GRIA3: variants seen among roughly 807,000 people sequenced by gnomAD.
GRIA3 encodes the protein glutamate receptor 3.
GRIA3 carries 3 observed loss-of-function variants against 63.0 expected under a neutral mutation model. The ratio of observed to expected loss-of-function variants is 0.05; its 90% CI spans 0.02 to 0.12. GRIA3 has a LOEUF of 0.12. Among genes scored for constraint, GRIA3 ranks in the 10% least tolerant of loss-of-function variants. The pLI, the probability that GRIA3 is intolerant of heterozygous loss-of-function variation, is 1.00. For missense variants in GRIA3, 347 were observed against 700.9 expected (o/e 0.50, Z 5.70); for synonymous variants, 274 against 257.9 (o/e 1.06, Z -0.60).
At chrX:123,478,664 TGACTATA>T (rs1273187140) in intron 13 of GRIA3, among the ~76,000 whole-genome samples, 1 of 112,536 alleles carries the variant, frequency 8.9e-6, no homozygotes, top group Middle Eastern at 4.2e-3. Context: ...CAGATCTCTG[TGACTATA>T]GCAAGTCTTA....
chrX:123,344,374 G>A (rs2045029981), intron 4 of GRIA3, among the ~76,000 whole-genome samples: 1 of 111,920 alleles, frequency 8.9e-6, no homozygotes, highest in African/African-American at 3.3e-5. Flanking sequence ...GCCTGGGAGT[G>A]AGACAAGTCA....
At chrX:123,206,539 A>T (rs1363073124) in intron 2 of GRIA3, among the ~76,000 whole-genome samples, 1 of 112,192 alleles carries the variant, frequency 8.9e-6, no homozygotes, top group African/African-American at 3.2e-5. Context: ...TGTCTGATTT[A>T]AATTAATACA....
chrX:123,454,545 T>G (rs1436641114), intron 12 of GRIA3, among the ~76,000 whole-genome samples: 1 of 111,023 alleles, frequency 9.0e-6, no homozygotes, highest in Non-Finnish European at 1.9e-5. Context: ...GCCGGATAAT[T>G]ACTGGTGGTG....
At chrX:123,314,127 C>T (rs2044816179) in intron 3 of GRIA3, among the ~76,000 whole-genome samples, 1 of 112,042 alleles carries the variant, frequency 8.9e-6, no homozygotes, top group South Asian at 3.8e-4. Context: ...CTATAAAGTG[C>T]TTACTAACAT....
intron 12 of GRIA3, among the ~76,000 whole-genome samples, chrX:123,461,229 T>C (rs1250482794): frequency 1.3e-4 from 14 of 111,915 alleles, no homozygotes; most frequent in African/African-American, 4.6e-4. Flanking sequence ...ATTTGCTGGC[T>C]GCCAAGAGGG....
At chrX:123,393,086 A>G (rs2045395296) in intron 5 of GRIA3, among the ~76,000 whole-genome samples, 1 of 112,544 alleles carries the variant, frequency 8.9e-6, no homozygotes, top group African/African-American at 3.2e-5. Context: ...GTTAATTTTT[A>G]AAATACTTTG....
At chrX:123,262,183 T>C (rs5909980) in intron 3 of GRIA3, among the ~76,000 whole-genome samples, 27,392 of 110,954 alleles carry the variant, frequency 0.25, 2,654 homozygotes, top group African/African-American at 0.31. Context: ...AAGGCAGGGT[T>C]GTTGTGAGAG....
intron 13 of GRIA3, among the ~76,000 whole-genome samples, chrX:123,471,366 T>C (rs1235411737): frequency 8.9e-6 from 1 of 112,506 alleles, no homozygotes; most frequent in African/African-American, 3.2e-5. Flanking sequence ...TCCATTCTAA[T>C]GATTTTTTAA....
intron 5 of GRIA3, among the ~76,000 whole-genome samples, chrX:123,362,748 T>A (rs1603113750): frequency 9.3e-6 from 1 of 108,096 alleles, no homozygotes; most frequent in South Asian, 4.0e-4. Context: ...GAGAGAGAGA[T>A]CAGTGGCTAT....
intron 2 of GRIA3, among the ~76,000 whole-genome samples, chrX:123,249,025 G>T (rs1436980188): frequency 1.8e-5 from 2 of 111,845 alleles, no homozygotes; most frequent in African/African-American, 6.5e-5. Context: ...GGCATTGAAG[G>T]TAAGTCACTT....
intron 2 of GRIA3, among the ~76,000 whole-genome samples, chrX:123,245,262 G>A (rs776766272): frequency 8.9e-5 from 10 of 111,903 alleles, no homozygotes; most frequent in South Asian, 7.5e-4. Context: ...GAGGATGGAC[G>A]TAGAGAAATA....
At chrX:123,421,973 T>C (rs929763393) in intron 11 of GRIA3, among the ~76,000 whole-genome samples, 1 of 111,738 alleles carries the variant, frequency 8.9e-6, no homozygotes, top group African/African-American at 3.3e-5. Context: ...AAGGATGATG[T>C]GATGAAATCC....
chrX:123,312,741 T>C (rs896821807), intron 3 of GRIA3, among the ~76,000 whole-genome samples: 3 of 112,509 alleles, frequency 2.7e-5, no homozygotes, highest in African/African-American at 6.4e-5. Flanking sequence ...ATATCCATCA[T>C]GACATTCCTA....
At chrX:123,377,859 T>C (rs2045297014) in intron 5 of GRIA3, among the ~76,000 whole-genome samples, 1 of 111,953 alleles carries the variant, frequency 8.9e-6, no homozygotes, top group South Asian at 3.8e-4. Flanking sequence ...CTTTACCACC[T>C]TGACTACTGT....
chrX:123,461,264 C>T (rs1191868995), intron 12 of GRIA3, among the ~76,000 whole-genome samples: 1 of 111,839 alleles, frequency 8.9e-6, no homozygotes, highest in African/African-American at 3.3e-5. Context: ...AAGGTATGGA[C>T]TTTGTCCTCA....
At chrX:123,221,012 T>C (rs1462268572) in intron 2 of GRIA3, among the ~76,000 whole-genome samples, 1 of 112,293 alleles carries the variant, frequency 8.9e-6, no homozygotes, top group Non-Finnish European at 1.9e-5. Flanking sequence ...TGTTAAATGA[T>C]ATGGGATAAA....
At chrX:123,467,267 T>A (rs190487639) in intron 13 of GRIA3, among the ~76,000 whole-genome samples, 1 of 112,502 alleles carries the variant, frequency 8.9e-6, no homozygotes, top group East Asian at 2.8e-4. Flanking sequence ...CCCTCAAACG[T>A]TAGAGGCTGC....
chrX:123,431,944 T>C (rs2045620642), intron 12 of GRIA3, among the ~76,000 whole-genome samples: 1 of 112,048 alleles, frequency 8.9e-6, no homozygotes, highest in East Asian at 2.8e-4. Flanking sequence ...AAGTATAGAT[T>C]TACTTTTTTT....
Position 123,200,612 on chromosome X carries a change from C to A in GRIA3, c.268+14622C>A, listed in dbSNP as rs910598139. Among the ~76,000 whole-genome samples the A allele has an allele frequency of 6.6e-5, 6 of 90,817 alleles. No individual in the cohort carries two copies. In the East Asian group the frequency reaches 2.2e-3, roughly 33 times the overall value. 78.9% of individuals were successfully genotyped at this position (90,817 alleles called of 115,157 possible). On this transcript the variant is annotated intron_variant, in intron 2 of 15. Transcript: ENST00000620443. Reference sequence around the variant, plus strand: ...ATATACACACACACACATACATACACACACACACACACACACACACACACA... The same window carrying A: ...ATATACACACACACACATACATACAAACACACACACACACACACACACACA...
Sources: allele counts gnomAD v4.1 joint callset (sites outside exome capture counted in the v4.1 genomes callset), GRCh38; gene constraint gnomAD v4.1.1; transcripts MANE v1.5; gene names NCBI Gene and HGNC (gene_info 2026-07-23, HGNC 2026-07-21).